TRPT1: variants seen among roughly 807,000 people sequenced by gnomAD.
The protein encoded by TRPT1 is tRNA phosphotransferase 1.
TRPT1 carries 22 observed loss-of-function variants against 28.4 expected under a neutral mutation model. The ratio of observed to expected loss-of-function variants is 0.78; its 90% CI spans 0.55 to 1.11. The LOEUF is 1.11. Among genes scored for constraint, TRPT1 ranks in the 50% least tolerant of loss-of-function variants. The probability of loss-of-function intolerance (pLI) is 0.00; values close to 1 mark genes in which losing one functional copy is unlikely to be tolerated. For missense variants in TRPT1, 308 were observed against 317.7 expected, an observed-to-expected ratio of 0.97 and a Z score of 0.23; for synonymous variants, 137 against 132.4, an observed-to-expected ratio of 1.03 and a Z score of -0.24.
chr11:64,226,228 A>C, upstream of TRPT1: 3 of 335,112 alleles, frequency 9.0e-6, no homozygotes, highest in Middle Eastern at 9.0e-4. Flanking sequence ...CGCCAATGAA[A>C]AGCCGCGTGG....
Position 64,225,518 on chromosome 11 carries a change from C to CA in TRPT1, c.137dup (p.Leu48AlafsTer6). The CA allele has an allele frequency of 6.2e-7, 1 of 1,613,072 alleles. No individual in the cohort carries two copies. Among genetic ancestry groups the CA allele is most frequent in the South Asian group, 1.1e-5 (1 of 90,916 alleles). On this transcript the variant is annotated frameshift_variant, in exon 3 of 8. Transcript: ENST00000317459. LOFTEE classifies it high-confidence loss of function. ...ACTTACCAGCTCCCATGGGAAGCCC[C>CA]AGCTTCAAGGCCCCATGGCGCAGGG...
At chr11:64,225,046 C>CTT in intron 3 of TRPT1, 76 bp from the exon 4 acceptor site, 1 of 1,471,736 alleles carries the variant, frequency 6.8e-7, no homozygotes, top group Non-Finnish European at 9.1e-7. Context: ...CACAGGCAAC[C>CTT]GAAACAAAGT....
At chr11:64,224,434 C>A in intron 5 of TRPT1, 93 bp from the exon 6 acceptor site, 1 of 1,596,766 alleles carries the variant, frequency 6.3e-7, no homozygotes. Context: ...TGCAGGGGTG[C>A]TGCTCCATGC....
At chr11:64,223,991 G>A in intron 7 of TRPT1, 24 bp from the exon 8 acceptor site, 1 of 1,605,224 alleles carries the variant, frequency 6.2e-7, no homozygotes, top group South Asian at 1.1e-5. Context: ...GAGTTGGTTA[G>A]AGAAAGGGAC....
rs1435331073 is a variant in TRPT1 at position 64,224,695 on chromosome 11, G to A, written c.350C>T (p.Pro117Leu). The change falls in exon 5 of 8, where the codon CCC becomes CTC. Residue 117 changes from proline to leucine, a missense_variant. Pro to Leu is a moderately conservative substitution (Grantham distance 98). Transcript: ENST00000317459. ...GGGCAGGGCCTGCGGTGTCTCCAGG[G>A]GCATCAGCTCCAACTTAGGTACCTG... ...SLQVPKLELM[P>L]LETPQALPPM... is the part of the protein sequence containing the mutation. 3.1e-6 allele frequency: 5 copies of A among 1,598,152 alleles called. No homozygotes were observed. The highest frequency in any genetic ancestry group is 2.3e-5 in the South Asian group (2 of 88,456).
At chr11:64,225,208 A>C (rs1946914937) in intron 3 of TRPT1, 3 of 610,936 alleles carry the variant, frequency 4.9e-6, no homozygotes, top group Non-Finnish European at 8.6e-6. Flanking sequence ...CCCGGAGTGC[A>C]CACTCACACC....
rs181371827 is a variant in TRPT1, at chr11:64,225,191, G to A, written c.158-221C>T. 1.8e-3 allele frequency: 1,111 copies of A among 625,908 alleles called. 6 individuals are homozygous for A. The Middle Eastern group carries it at 0.022, about 12-fold the overall frequency. The allele number at this position is 625,908 out of a possible 1,614,324, so 38.8% of individuals were successfully genotyped here. A position where few individuals can be genotyped will look rare whatever the true frequency, so the allele number is the denominator to read the frequency against. ...GGCAGGGAGGTGAGTGCCCAGCATA[G>A]CGCTGGCCCGGAGTGCACACTCACA... On this transcript the variant is annotated intron_variant, in intron 3 of 7. Coordinates refer to ENST00000317459, the MANE Select transcript of TRPT1 (RefSeq NM_001033678.4).
chr11:64,225,048 A>C, intron 3 of TRPT1, 78 bp from the exon 4 acceptor site: 1 of 1,469,286 alleles, frequency 6.8e-7, no homozygotes, highest in South Asian at 1.3e-5. Context: ...CAGGCAACCG[A>C]AACAAAGTCT....
chr11:64,225,458 C>A (rs1479180195), intron 3 of TRPT1, 41 bp downstream of exon 3: 5 of 1,561,616 alleles, frequency 3.2e-6, no homozygotes, highest in Non-Finnish European at 4.4e-6. Context: ...GCTCACGTTT[C>A]TCTCTGGGCT....
chr11:64,225,280 C>T, intron 3 of TRPT1: 1 of 610,774 alleles, frequency 1.6e-6, no homozygotes, highest in South Asian at 2.0e-5. Flanking sequence ...GGCTGCTTGG[C>T]TGGAGGGGGC....
In TRPT1 at chr11:64,224,445, C is replaced by T. The variant is rs575856954; in HGVS notation, c.502+98G>A. The T allele has an allele frequency of 6.3e-4, 1,009 of 1,594,198 alleles. 3 individuals are homozygous for T. The African/African-American group carries it at 9.7e-3, about 15-fold the overall frequency. The stretch of plus-strand genomic sequence containing the variant: ...GGGATGCAGGGGTGCTGCTCCATGC[C>T]GGACATGGGGTGGCCCCAGACAAGT... On this transcript the variant is annotated intron_variant, in intron 5 of 7. Coordinates refer to ENST00000317459, the MANE Select transcript of TRPT1 (RefSeq NM_001033678.4).
Position 64,224,964 on chromosome 11 carries a change from A to C in TRPT1, c.164T>G (p.Phe55Cys). 2 of 1,557,974 alleles carry C rather than the reference A, an allele frequency of 1.3e-6. No individual in the cohort carries two copies. The highest frequency in any genetic ancestry group is 1.7e-6 in the Non-Finnish European group (2 of 1,151,364). The change falls in exon 4 of 8, where the codon TTC becomes TGC. Residue 55 changes from phenylalanine (F) to cysteine (C), a missense_variant. Phe to Cys is a radical substitution (Grantham distance 205). Coordinates refer to ENST00000317459, the MANE Select transcript of TRPT1 (RefSeq NM_001033678.4). ...CTGCAGGAGGGTGCCCAGGGGCACG[A>C]AGCCATCTGTGGGCAGGCAGGGTGC... is the stretch of plus-strand genomic sequence containing the variant. ...KLGLPMGADG[F>C]VPLGTLLQLP...
Position 64,223,964 on chromosome 11 carries a change from T to C in TRPT1, c.674A>G (p.Lys225Arg). ...KEALQLRPTR[K>R]PLSLAGDEET... ...TTCATCACCAGCCAAGGAAAGGGGC[T>C]TTCCTGATAAAGACAAGAGTTGGTT... Residue 225 changes from lysine to arginine, a missense_variant, in exon 8 of 8, where the codon AAG (lysine) becomes AGG (arginine). Lys to Arg is a conservative substitution (Grantham distance 26). Coordinates refer to ENST00000317459, the MANE Select transcript of TRPT1 (RefSeq NM_001033678.4). 1 of 1,613,710 alleles carries C rather than the reference T, an allele frequency of 6.2e-7. No individual in the cohort carries two copies. The highest frequency in any genetic ancestry group is 1.1e-5 in the South Asian group (1 of 91,048).
chr11:64,224,470 T>G (rs1416450612), intron 5 of TRPT1, 73 bp downstream of exon 5: 1 of 1,582,048 alleles, frequency 6.3e-7, no homozygotes. Context: ...CCCAGACAAG[T>G]GTTGTAACCT....
In TRPT1 at chr11:64,225,071, C is replaced by G. The variant is rs938907157; in HGVS notation, c.158-101G>C. The G allele has an allele frequency of 6.8e-6, 9 of 1,318,194 alleles. No homozygotes were observed. The African/African-American group carries it at 1.2e-4, about 17-fold the overall frequency. 81.7% of individuals were successfully genotyped at this position (1,318,194 alleles called of 1,614,324 possible). The stretch of plus-strand genomic sequence containing the variant: ...CGAAACAAAGTCTGGGCTTGGAGAT[C>G]GCTTGGGCATCCTCTGTGGGACCTT... On this transcript the variant is annotated intron_variant, in intron 3 of 7. Transcript: ENST00000317459.
chr11:64,225,160 C>T, intron 3 of TRPT1, 190 bp from the exon 4 acceptor site: 4 of 682,948 alleles, frequency 5.9e-6, no homozygotes, highest in South Asian at 5.8e-5. Context: ...ATCTGCCTCA[C>T]GGAGGGGCAG....
In TRPT1 at chr11:64,225,569, C is replaced by T. The variant is rs756135438; in HGVS notation, c.87G>A (p.Val29=). The T allele has an allele frequency of 8.7e-6, 14 of 1,611,178 alleles. No individual in the cohort carries two copies. The highest frequency in any genetic ancestry group is 1.1e-5 in the Non-Finnish European group (13 of 1,178,960). The part of the protein sequence containing the change: ...APRPREQDRD[V]QLSKALSYAL... ...CATAGGACAGAGCCTTGGACAGCTG[C>T]ACGTCTCGGTCCTGAAAGAACCCAG... Residue 29 remains valine (V), a synonymous_variant, in exon 3 of 8, where the codon GTG becomes GTA. Coordinates refer to ENST00000317459, the MANE Select transcript of TRPT1 (RefSeq NM_001033678.4).
At position 64,225,795 on chromosome 11, in the gene TRPT1, G is replaced by C. The variant is rs1378777104; in HGVS notation, c.66C>G (p.Pro22=). 5 of 1,552,314 alleles carry C rather than the reference G, an allele frequency of 3.2e-6. No homozygotes were observed. The highest frequency in any genetic ancestry group is 3.5e-6 in the Non-Finnish European group (4 of 1,147,648). The change falls in exon 2 of 8, where the codon CCC becomes CCG. Residue 22 remains proline (P), a synonymous_variant. Transcript: ENST00000317459. ...GGGAGGAGGCGCGCACCTGTTCTCG[G>C]GGTCTGGGAGCCCTTCTACCCCTGG... ...AGSRGRRAPR[P]REQDRDVQLS... is the part of the protein sequence containing the mutation.
Sources: gnomAD v4.1 joint callset for allele counts on GRCh38, gnomAD v4.1.1 for gene constraint, MANE v1.5 for transcripts, NCBI Gene and HGNC (gene_info 2026-07-23, HGNC 2026-07-21) for gene names.